TPD52L1: variants seen among roughly 807,000 people sequenced by gnomAD.
TPD52L1 encodes tumor protein D53.
In TPD52L1, 18 loss-of-function variants were observed where a neutral mutation model predicts 28.7. The observed-to-expected ratio is 0.63, with a 90% CI of 0.43 to 0.93. The LOEUF (loss-of-function observed/expected upper bound fraction) is 0.93, where lower values mean the gene tolerates loss of function less well. Among genes scored for constraint, TPD52L1 ranks in the 40% least tolerant of loss-of-function variants. The pLI is 0.00. For synonymous variants in TPD52L1, 75 were observed against 88.8 expected (o/e 0.84, Z 0.88); for missense variants, 203 against 254.8 (o/e 0.80, Z 1.39).
rs78648894 is a variant in TPD52L1 at position 125,187,204 on chromosome 6, A to C, written c.20-32874A>C. ...CAGCCGTGTATGAAAAGTCTTAACT[A>C]TATAAGGAAATGCAGATTTAAGTAA... On this transcript the variant is annotated intron_variant, in intron 1 of 6. Coordinates refer to ENST00000534000, the MANE Select transcript of TPD52L1 (RefSeq NM_003287.4). Among the ~76,000 whole-genome samples, 1,313 of 152,328 alleles carry C rather than the reference A, an allele frequency of 8.6e-3. 19 individuals are homozygous for C. Among genetic ancestry groups the C allele is most frequent in the African/African-American group, 0.029 (1,225 of 41,572 alleles).
chr6:125,230,133 G>A (rs2114989264), intron 3 of TPD52L1, among the ~76,000 whole-genome samples: 1 of 152,274 alleles, frequency 6.6e-6, no homozygotes, highest in South Asian at 2.1e-4. Flanking sequence ...TTATCGTCCT[G>A]TCTTGTGCTA....
At chr6:125,249,437 G>T (rs1797123377) in intron 4 of TPD52L1, among the ~76,000 whole-genome samples, 1 of 151,698 alleles carries the variant, frequency 6.6e-6, no homozygotes, top group African/African-American at 2.4e-5. Flanking sequence ...CCGTCATTTT[G>T]GGAGACTGAG....
intron 1 of TPD52L1, among the ~76,000 whole-genome samples, chr6:125,155,387 T>C (rs1790053214): frequency 6.6e-6 from 1 of 152,248 alleles, no homozygotes; most frequent in East Asian, 1.9e-4. Flanking sequence ...TGAAAGCTTA[T>C]ATTAGTGAGG....
chr6:125,243,569 A>G (rs1796746646), intron 3 of TPD52L1, among the ~76,000 whole-genome samples: 1 of 151,672 alleles, frequency 6.6e-6, no homozygotes, highest in Non-Finnish European at 1.5e-5. Flanking sequence ...GTTTTTTTCT[A>G]CTTGTTCTAG....
intron 6 of TPD52L1, among the ~76,000 whole-genome samples, chr6:125,259,189 G>A (rs915297571): frequency 2.0e-5 from 3 of 152,170 alleles, no homozygotes; most frequent in Admixed American, 6.5e-5. Context: ...TTTCTTGCAG[G>A]TCTATGTGCT....
rs559702812 is a variant in TPD52L1, at chr6:125,245,729, C to G, written c.285-2553C>G. Among the ~76,000 whole-genome samples, 7 of 152,274 alleles carry G rather than the reference C, an allele frequency of 4.6e-5. No individual in the cohort carries two copies. The East Asian group carries it at 1.4e-3, about 29-fold the overall frequency. Reference sequence around the variant, plus strand: ...AGCAAAAGGCCCCACCCAGCTCCCACGCAGTTGGCGAGGCCAGTCTCACTC... The same window carrying G: ...AGCAAAAGGCCCCACCCAGCTCCCAGGCAGTTGGCGAGGCCAGTCTCACTC... On this transcript the variant is annotated intron_variant, in intron 3 of 6. Transcript: ENST00000534000.
At chr6:125,261,449 T>G (rs1032060519) in intron 6 of TPD52L1, 1 of 152,160 alleles carries the variant, frequency 6.6e-6, no homozygotes, top group African/African-American at 2.4e-5. Flanking sequence ...GCAACATTAT[T>G]TATTCTATAT....
chr6:125,196,461 A>G (rs1405248707), intron 1 of TPD52L1, among the ~76,000 whole-genome samples: 2 of 152,216 alleles, frequency 1.3e-5, no homozygotes, highest in African/African-American at 4.8e-5. Flanking sequence ...AAGTCTAAAT[A>G]ATTATTGTCG....
chr6:125,159,396 G>A (rs533867440), intron 1 of TPD52L1, among the ~76,000 whole-genome samples: 17 of 152,296 alleles, frequency 1.1e-4, no homozygotes, highest in East Asian at 5.8e-4. Context: ...TTTAGCATGA[G>A]ATTAAAATGT....
intron 1 of TPD52L1, among the ~76,000 whole-genome samples, chr6:125,171,853 C>T (rs1487902481): frequency 2.6e-5 from 4 of 152,196 alleles, no homozygotes; most frequent in Non-Finnish European, 2.9e-5. Flanking sequence ...AAGCAGCTAA[C>T]TCTGTGGTCA....
intron 1 of TPD52L1, among the ~76,000 whole-genome samples, chr6:125,200,773 A>G (rs1793754413): frequency 6.6e-6 from 1 of 152,216 alleles, no homozygotes; most frequent in Non-Finnish European, 1.5e-5. Flanking sequence ...CCTAGTCAAT[A>G]CATGTCAATC....
At chr6:125,253,621 T>A in intron 4 of TPD52L1, 96 bp from the exon 5 acceptor site, 1 of 1,094,800 alleles carries the variant, frequency 9.1e-7, no homozygotes, top group Admixed American at 2.0e-5. Context: ...TATTTGGAAT[T>A]GCTGTTTTAG....
At chr6:125,244,132 T>TA (rs1481875553) in intron 3 of TPD52L1, among the ~76,000 whole-genome samples, 1 of 152,194 alleles carries the variant, frequency 6.6e-6, no homozygotes, top group Non-Finnish European at 1.5e-5. Flanking sequence ...TTGTAGTTGT[T>TA]ACATTCTTGG....
intron 3 of TPD52L1, among the ~76,000 whole-genome samples, chr6:125,247,669 A>C (rs1277486052): frequency 6.6e-6 from 1 of 152,216 alleles, no homozygotes; most frequent in Non-Finnish European, 1.5e-5. Flanking sequence ...CTTGCCCTCA[A>C]GTAGTCAAGT....
chr6:125,250,785 T>G (rs10485337), intron 4 of TPD52L1, among the ~76,000 whole-genome samples: 2,629 of 152,326 alleles, frequency 0.017, 74 homozygotes, highest in African/African-American at 0.06. Context: ...GATGGCCTAT[T>G]TTCCAGGACT....
intron 1 of TPD52L1, among the ~76,000 whole-genome samples, chr6:125,208,731 T>C (rs1794322832): frequency 6.6e-6 from 1 of 152,072 alleles, no homozygotes; most frequent in Non-Finnish European, 1.5e-5. Flanking sequence ...TTGCTAACAT[T>C]GTAGTAAGGG....
chr6:125,201,383 A>G (rs920116568), intron 1 of TPD52L1, among the ~76,000 whole-genome samples: 2 of 152,248 alleles, frequency 1.3e-5, no homozygotes, highest in Non-Finnish European at 2.9e-5. Context: ...GAAAAATAGT[A>G]TACAGTGTGG....
At chr6:125,250,140 A>G (rs7761005) in intron 4 of TPD52L1, among the ~76,000 whole-genome samples, 58,959 of 152,138 alleles carry the variant, frequency 0.39, 16,531 homozygotes, top group African/African-American at 0.79. Flanking sequence ...TATAAAATTG[A>G]TTCTCTTCAT....
At chr6:125,256,983 G>A (rs1018754642) in intron 5 of TPD52L1, 115 bp from the exon 6 acceptor site, 2 of 841,530 alleles carry the variant, frequency 2.4e-6, no homozygotes, top group Admixed American at 5.5e-5. Context: ...GTGGCAAGCT[G>A]ACAGGTAGCT....
Sources: allele counts gnomAD v4.1 joint callset (sites outside exome capture counted in the v4.1 genomes callset), GRCh38; gene constraint gnomAD v4.1.1; transcripts MANE v1.5; gene names NCBI Gene and HGNC (gene_info 2026-07-23, HGNC 2026-07-21).